The following TTN variants were observed in gnomAD, a reference collection of about 807,000 sequenced individuals.
TTN encodes titin, also known as connectin.
TTN carries 1,525 observed loss-of-function variants against 3,223.0 expected under a neutral mutation model. The observed-to-expected ratio is 0.47, with a 90% CI of 0.45 to 0.49. The LOEUF is 0.49. Ranked by LOEUF, TTN falls within the 20% of genes least tolerant of loss-of-function variation. The probability of loss-of-function intolerance (pLI) is 0.00; values close to 1 mark genes in which losing one functional copy is unlikely to be tolerated. For missense variants in TTN, 40,786 were observed against 43,424.0 expected, an observed-to-expected ratio of 0.94 and a Z score of 5.40; for synonymous variants, 14,094 against 15,161.0, an observed-to-expected ratio of 0.93 and a Z score of 5.17.
chr2:178,669,634 G>A lies in TTN; in HGVS notation c.35428C>T (p.Arg11810Cys), dbSNP rs375507473. ...TCAGGCTTTTTCAGAACAGCTTCACGAACTTTTTCTTCTGGGACAATTTTC... is the reference window on the plus strand; with the variant it reads ...TCAGGCTTTTTCAGAACAGCTTCACAAACTTTTTCTTCTGGGACAATTTTC... ...PKKIVPEEKVREAVLKKPEVP... is the reference protein window; with the variant it reads ...PKKIVPEEKVCEAVLKKPEVP... Residue 11810 changes from arginine (R) to cysteine (C), a missense_variant, in exon 158 of 363, where the codon CGT becomes TGT. Arg to Cys is a radical substitution (Grantham distance 180). Transcript: ENST00000589042. The A allele has an allele frequency of 5.7e-5, 92 of 1,612,164 alleles. No individual in the cohort carries two copies. Among genetic ancestry groups the A allele is most frequent in the Middle Eastern group, 1.6e-4 (1 of 6,082 alleles).
rs779472291 is a variant in TTN, at chr2:178,722,714, G to A, written c.22185C>T (p.Cys7395=). The A allele has an allele frequency of 3.1e-6, 5 of 1,613,104 alleles. No homozygotes were observed. Among genetic ancestry groups the A allele is most frequent in the Non-Finnish European group, 4.2e-6 (5 of 1,179,454 alleles). Residue 7395 remains cysteine (C), a synonymous_variant, in exon 76 of 363, where the codon TGC becomes TGT. Coordinates refer to ENST00000589042, the MANE Select transcript of TTN (RefSeq NM_001267550.2). Reference sequence around the variant, plus strand: ...CAGTTCCTATACTATTTTCTGCTTTGCATGTGTACTCTCCACTGTCATTGA... The same window carrying A: ...CAGTTCCTATACTATTTTCTGCTTTACATGTGTACTCTCCACTGTCATTGA... The part of the protein sequence containing the change: ...VNINDSGEYT[C]KAENSIGTAS...
chr2:178,730,761 C>CT lies in TTN; in HGVS notation c.17771dup (p.Leu5925AlafsTer8). The CT allele has an allele frequency of 1.9e-6, 3 of 1,605,564 alleles. No individual in the cohort carries two copies. Among genetic ancestry groups the CT allele is most frequent in the Non-Finnish European group, 2.6e-6 (3 of 1,174,180 alleles). The stretch of plus-strand genomic sequence containing the variant: ...CTTTAATGCTGTCCATTTTCTTCAG[C>CT]TTTTTGGTGAATGAAGGAGGTATGA... On this transcript the variant is annotated frameshift_variant, in exon 61 of 363. Transcript: ENST00000589042. LOFTEE classifies it high-confidence loss of function.
intron 350 of TTN, 193 bp downstream of exon 350, chr2:178,541,089 G>T: frequency 2.3e-6 from 1 of 441,992 alleles, no homozygotes; most frequent in East Asian, 3.6e-5. Context: ...CAGCTGGGGT[G>T]GGGAAGGGAC....
chr2:178,579,143 A>G lies in TTN; in HGVS notation c.67887T>C (p.Ala22629=). 2 of 1,613,460 alleles carry G rather than the reference A, an allele frequency of 1.2e-6. No individual in the cohort carries two copies. The highest frequency in any genetic ancestry group is 8.5e-7 in the Non-Finnish European group (1 of 1,179,578). The stretch of plus-strand genomic sequence containing the variant: ...TGGAGATAGTTCCTTCCTTGGTGCC[A>G]GCAACATTCTTAAGTGTGATTGTGT... The part of the protein sequence containing the change: ...GKYTITLKNV[A]GTKEGTISIK... The change falls in exon 320 of 363, where the codon GCT becomes GCC. Residue 22629 remains alanine (A), a synonymous_variant. Transcript: ENST00000589042.
At position 178,532,737 on chromosome 2, in the gene TTN, T is replaced by C; in HGVS notation, c.103878A>G (p.Gln34626=). 6.2e-7 allele frequency: 1 copy of C among 1,613,976 alleles called. No homozygotes were observed. The highest frequency in any genetic ancestry group is 8.5e-7 in the Non-Finnish European group (1 of 1,179,866). The part of the protein sequence containing the change: ...RPKWRIPKLS[Q]DDLEIVRPAR... ...CTGGTCTCACTATCTCAAGATCATC[T>C]TGGGACAGTTTAGGAATACGCCATT... Residue 34626 remains glutamine, a synonymous_variant, in exon 358 of 363, where the codon CAA becomes CAG. Coordinates refer to ENST00000589042, the MANE Select transcript of TTN (RefSeq NM_001267550.2).
rs727504757 is a variant in TTN, at chr2:178,694,634, C to T, written c.31391G>A (p.Arg10464Gln). The change falls in exon 117 of 363, where the codon CGG becomes CAG. Residue 10464 changes from arginine to glutamine, a missense_variant. Transcript: ENST00000589042. ...SKKIVPQKPS[R>Q]TPVQEEVIEV... is the part of the protein sequence containing the mutation. ...AATAACTTCTTCCTGTACTGGAGTC[C>T]GGGAAGGTTTTTGTGGAACAATCTT... 123 of 1,560,004 alleles carry T rather than the reference C, an allele frequency of 7.9e-5. No individual in the cohort carries two copies. Among genetic ancestry groups the T allele is most frequent in the Admixed American group, 1.9e-4 (10 of 52,782 alleles).
rs1218513536 is a variant in TTN at position 178,587,186 on chromosome 2, G to C, written c.64025C>G (p.Ala21342Gly). 21 of 1,613,310 alleles carry C rather than the reference G, an allele frequency of 1.3e-5. No individual in the cohort carries two copies. The highest frequency in any genetic ancestry group is 5.0e-5 in the Admixed American group (3 of 59,970). ...GACGCCAGGGCCATATTCGTTGACA[G>C]CAGTTACTCTGAAGTAATACTCATT... ...PGNEYYFRVTAVNEYGPGVPT... is the reference protein window; with the variant it reads ...PGNEYYFRVTGVNEYGPGVPT... The change falls in exon 307 of 363, where the codon GCT (alanine) becomes GGT (glycine). Residue 21342 changes from alanine (A) to glycine (G), a missense_variant. Physicochemically the swap from Ala to Gly is moderately conservative, Grantham distance 60. Coordinates refer to ENST00000589042, the MANE Select transcript of TTN (RefSeq NM_001267550.2).
At chr2:178,655,212 G>A (rs1452431940) in intron 189 of TTN, among the ~76,000 whole-genome samples, 7 of 137,746 alleles carry the variant, frequency 5.1e-5, no homozygotes, top group Non-Finnish European at 1.0e-4. Context: ...ATGCAGAAAG[G>A]GCCTTTGACA....
chr2:178,613,938 C>CTA lies in TTN; in HGVS notation c.49346-3_49346-2dup, dbSNP rs2154201381. Reference sequence around the variant, plus strand: ...AGGCGAGTTGGAGGACCAGGTGGATCTATAGACAGGATAATGGTGTAAAAT... The same window carrying CTA: ...AGGCGAGTTGGAGGACCAGGTGGATCTATATAGACAGGATAATGGTGTAAAAT... On this transcript the variant is annotated splice_acceptor_variant, in intron 262 of 362. Transcript: ENST00000589042. LOFTEE classifies it high-confidence loss of function. The CTA allele has an allele frequency of 6.2e-7, 1 of 1,607,402 alleles. No individual in the cohort carries two copies. Among genetic ancestry groups the CTA allele is most frequent in the East Asian group, 2.2e-5 (1 of 44,662 alleles).
intron 124 of TTN, 32 bp from the exon 125 acceptor site, chr2:178,689,168 A>C: frequency 6.3e-7 from 1 of 1,594,942 alleles, no homozygotes; most frequent in African/African-American, 1.4e-5. Context: ...TTAGAAATTT[A>C]ATGTGATCTC....
chr2:178,745,852 A>G (rs767323160), intron 47 of TTN: 31 of 1,613,090 alleles, frequency 1.9e-5, no homozygotes, highest in Non-Finnish European at 2.5e-5. Context: ...TACCTTTGAT[A>G]AACCTGGGAG....
At chr2:178,787,057 TCATTTTAAAAGTA>T (rs1421784729) in intron 13 of TTN, among the ~76,000 whole-genome samples, 3 of 152,162 alleles carry the variant, frequency 2.0e-5, no homozygotes, top group Non-Finnish European at 4.4e-5. Context: ...ATAGCCATGT[TCATTTTAAAAGTA>T]CATTTTAAAA....
In TTN at chr2:178,734,952, T is replaced by C; in HGVS notation, c.14972A>G (p.Tyr4991Cys). ...PSFVKKVDPS[Y>C]LMLPGESARL... ...TGCTGATTCACCTGGGAGCATTAAA[T>C]AAGAGGGATCCACCTTCTTCACGAA... is the stretch of plus-strand genomic sequence containing the variant. Residue 4991 changes from tyrosine to cysteine, a missense_variant, in exon 51 of 363, where the codon TAT becomes TGT. By Grantham distance (194) the Tyr-to-Cys change is radical (BLOSUM62 -2). Coordinates refer to ENST00000589042, the MANE Select transcript of TTN (RefSeq NM_001267550.2). 2 of 1,603,774 alleles carry C rather than the reference T, an allele frequency of 1.2e-6. No individual in the cohort carries two copies. Among genetic ancestry groups the C allele is most frequent in the South Asian group, 2.2e-5 (2 of 89,994 alleles).
rs746014701 is a variant in TTN at position 178,593,175 on chromosome 2, A to G, written c.59033T>C (p.Ile19678Thr). 1.2e-5 allele frequency: 20 copies of G among 1,612,954 alleles called. No individual in the cohort carries two copies. The highest frequency in any genetic ancestry group is 6.7e-5 in the Admixed American group (4 of 59,904). Residue 19678 changes from isoleucine to threonine, a missense_variant and splice_region_variant, in exon 299 of 363, where the codon ATT becomes ACT. Transcript: ENST00000589042. ...PSKPVFAKDP[I>T]AKPSPPVNPE... ...GAATAAATCCATTAATACTATACCA[A>G]TTGGATCTTTAGCAAAGACTGGTTT...
At position 178,598,757 on chromosome 2, in the gene TTN, C is replaced by T. The variant is rs1244503464; in HGVS notation, c.56953G>A (p.Asp18985Asn). 1.9e-6 allele frequency: 3 copies of T among 1,612,660 alleles called. 1 individual carries two copies. The highest frequency in any genetic ancestry group is 1.3e-5 in the African/African-American group (1 of 74,932). The part of the protein sequence containing the change: ...SLPSDPATAR[D>N]PIAPPGPPFP... ...TGGTTTCCAGGCTTACCAATTGGAT[C>T]TCTAGCAGTCGCTGGGTCTGATGGC... is the stretch of plus-strand genomic sequence containing the variant. Residue 18985 changes from aspartate to asparagine, a missense_variant, in exon 291 of 363, where the codon GAT becomes AAT. By Grantham distance (23) the Asp-to-Asn change is conservative. Transcript: ENST00000589042.
chr2:178,776,476 A>C lies in TTN; in HGVS notation c.5388T>G (p.Asp1796Glu), dbSNP rs72647878. Residue 1796 changes from aspartate (D) to glutamate (E), a missense_variant, in exon 28 of 363, where the codon GAT becomes GAG. Coordinates refer to ENST00000589042, the MANE Select transcript of TTN (RefSeq NM_001267550.2). Reference protein sequence around the residue: ...DHTSATLIVKDEKSLVEESQL... With the variant: ...DHTSATLIVKEEKSLVEESQL... Reference sequence around the variant, plus strand: ...GGGATTCTTCCACAAGACTTTTCTCATCTTTAACAATAAGGGTAGCAGATG... The same window carrying C: ...GGGATTCTTCCACAAGACTTTTCTCCTCTTTAACAATAAGGGTAGCAGATG... The C allele has an allele frequency of 1.0e-5, 16 of 1,607,790 alleles. No individual in the cohort carries two copies. Among genetic ancestry groups the C allele is most frequent in the Non-Finnish European group, 1.4e-5 (16 of 1,179,974 alleles).
At chr2:178,556,769 T>G in intron 330 of TTN, 79 bp downstream of exon 330, 8 of 1,510,254 alleles carry the variant, frequency 5.3e-6, no homozygotes, top group Non-Finnish European at 7.2e-6. Flanking sequence ...AGTTATTCTA[T>G]AGGATTAGAA....
rs587780985 is a variant in TTN at position 178,533,091 on chromosome 2, G to A, written c.103524C>T (p.Val34508=). 34 of 1,613,882 alleles carry A rather than the reference G, an allele frequency of 2.1e-5. No homozygotes were observed. The highest frequency in any genetic ancestry group is 1.2e-4 in the African/African-American group (9 of 75,028). ...TGGTGCTTACAGCCGGTTTATAAAGGACAGCAGCTTCTCTCAGAGCCTCTT... is the reference window on the plus strand; with the variant it reads ...TGGTGCTTACAGCCGGTTTATAAAGAACAGCAGCTTCTCTCAGAGCCTCTT... ...VAKEALREAA[V]LYKPAVSTKT... is the part of the protein sequence containing the mutation. The change falls in exon 358 of 363, where the codon GTC becomes GTT. Residue 34508 remains valine, a synonymous_variant. Coordinates refer to ENST00000589042, the MANE Select transcript of TTN (RefSeq NM_001267550.2).
Position 178,620,328 on chromosome 2 carries a change from T to A in TTN, c.46193A>T (p.Glu15398Val), listed in dbSNP as rs978970349. Residue 15398 changes from glutamate to valine, a missense_variant, in exon 248 of 363, where the codon GAA becomes GTA. Transcript: ENST00000589042. ...EAPTEFVEHL[E>V]DQTVTEFDDA... Reference sequence around the variant, plus strand: ...ATCGAACTCAGTGACTGTCTGATCTTCCAAGTGTTCCACAAATTCTGTCGG... The same window carrying A: ...ATCGAACTCAGTGACTGTCTGATCTACCAAGTGTTCCACAAATTCTGTCGG... 9 of 1,595,236 alleles carry A rather than the reference T, an allele frequency of 5.6e-6. No homozygotes were observed. The highest frequency in any genetic ancestry group is 7.7e-6 in the Non-Finnish European group (9 of 1,169,620).
Sources: gnomAD v4.1 joint callset for allele counts (sites outside exome capture counted in the v4.1 genomes callset) on GRCh38, gnomAD v4.1.1 for gene constraint, MANE v1.5 for transcripts, NCBI Gene and HGNC (gene_info 2026-07-23, HGNC 2026-07-21) for gene names.